The following EML5 variants were observed in gnomAD, a reference collection of about 807,000 sequenced individuals.
The protein encoded by EML5 is echinoderm microtubule-associated protein-like 5.
In EML5, 120 loss-of-function variants were observed where a neutral mutation model predicts 250.0. The observed-to-expected ratio is 0.48, with a 90% confidence interval of 0.41 to 0.56. The LOEUF is 0.56. Ranked by LOEUF, EML5 falls within the 20% of genes least tolerant of loss-of-function variation. The pLI, the probability that EML5 is intolerant of heterozygous loss-of-function variation, is 0.00. For synonymous variants in EML5, 771 were observed against 806.5 expected (o/e 0.96, Z 0.75); for missense variants, 2,006 against 2,437.6 (o/e 0.82, Z 3.73).
chr14:88,736,612 T>G lies in EML5; in HGVS notation c.848-47A>C, dbSNP rs775924775. ...TTAATATATAATGCTGTAATAATGA[T>G]AGCAGCAGGAGGCAGACAAATCCCT... is the stretch of plus-strand genomic sequence containing the variant. On this transcript the variant is annotated intron_variant, in intron 6 of 43. Transcript: ENST00000554922. 4.0e-5 allele frequency: 63 copies of G among 1,573,578 alleles called. No individual in the cohort carries two copies. The East Asian group carries it at 4.3e-4, about 11-fold the overall frequency.
At chr14:88,680,883 G>A (rs1466806303) in intron 21 of EML5, among the ~76,000 whole-genome samples, 1 of 151,412 alleles carries the variant, frequency 6.6e-6, no homozygotes, top group Non-Finnish European at 1.5e-5. Flanking sequence ...ACAAGAAGAT[G>A]GACCACTAGG....
chr14:88,684,412 C>T (rs898440641), intron 20 of EML5, among the ~76,000 whole-genome samples: 17 of 139,106 alleles, frequency 1.2e-4, no homozygotes, highest in Admixed American at 5.2e-4. Context: ...CCTCGTGATC[C>T]GCCCGCCTCG....
At position 88,792,330 on chromosome 14, in the gene EML5, C is replaced by A; in HGVS notation, c.174G>T (p.Arg58=). Residue 58 remains arginine (R), a synonymous_variant, in exon 1 of 44, where the codon CGG becomes CGT. Transcript: ENST00000554922. This position sits in a 1 kb window ranked among gnomAD's most constrained non-coding sequence, Gnocchi z 6.9. The stretch of plus-strand genomic sequence containing the variant: ...ACCTGATGATGTCGTCGCTGTGGCC[C>A]CGGTAGAACTTCTGCCTGTGCTCCC... ...SPREHRQKFY[R]GHSDDIISLA... 6.4e-7 allele frequency: 1 copy of A among 1,563,740 alleles called. No homozygotes were observed. Among genetic ancestry groups the A allele is most frequent in the East Asian group, 2.4e-5 (1 of 41,640 alleles).
intron 6 of EML5, among the ~76,000 whole-genome samples, chr14:88,737,587 A>G (rs2093863108): frequency 6.6e-6 from 1 of 152,234 alleles, no homozygotes; most frequent in Non-Finnish European, 1.5e-5. Context: ...CAATAATTCC[A>G]ATCTTCCTAA....
At chr14:88,661,580 A>C in intron 25 of EML5, 74 bp downstream of exon 25, 1 of 1,292,020 alleles carries the variant, frequency 7.7e-7, no homozygotes, top group Non-Finnish European at 1.1e-6. Flanking sequence ...ATAACAATGA[A>C]GTGCTATGAC....
intron 20 of EML5, among the ~76,000 whole-genome samples, chr14:88,683,154 A>C (rs900228144): frequency 1.2e-4 from 19 of 152,390 alleles, no homozygotes; most frequent in African/African-American, 4.3e-4. Context: ...AATTTGTAAA[A>C]AATCTAATAA....
intron 21 of EML5, among the ~76,000 whole-genome samples, chr14:88,668,190 A>G (rs898247530): frequency 6.6e-6 from 1 of 152,204 alleles, no homozygotes; most frequent in African/African-American, 2.4e-5. Flanking sequence ...TCTTTTTATT[A>G]AATTCCCACT....
Position 88,792,014 on chromosome 14 carries a change from GT to G in EML5, c.197+292del, listed in dbSNP as rs2094613934. Among the ~76,000 whole-genome samples, 1 of 152,188 alleles carries G rather than the reference GT, an allele frequency of 6.6e-6. No individual in the cohort carries two copies. The highest frequency in any genetic ancestry group is 6.5e-5 in the Admixed American group (1 of 15,278). On this transcript the variant is annotated intron_variant, in intron 1 of 43. Transcript: ENST00000554922. This position sits in a 1 kb window ranked among gnomAD's most constrained non-coding sequence, Gnocchi z 6.9. ...GTGCCACCAAAATAACCTTTTCGCA[GT>G]TTTCGTAATTGTGATGGAGTGGGAA...
chr14:88,658,446 C>A, intron 25 of EML5, 58 bp from the exon 26 acceptor site: 5 of 1,329,678 alleles, frequency 3.8e-6, no homozygotes, highest in South Asian at 1.5e-5. Context: ...TTAAATATTT[C>A]CATTATGATT....
At chr14:88,638,563 A>G (rs1407539045) in intron 32 of EML5, among the ~76,000 whole-genome samples, 1 of 152,208 alleles carries the variant, frequency 6.6e-6, no homozygotes, top group Admixed American at 6.5e-5. Context: ...AAATCCAACT[A>G]TTTCAACTAC....
Position 88,792,323 on chromosome 14 carries a change from T to C in EML5, c.181A>G (p.Ser61Gly). The C allele has an allele frequency of 6.4e-7, 1 of 1,560,144 alleles. No individual in the cohort carries two copies. The highest frequency in any genetic ancestry group is 8.7e-7 in the Non-Finnish European group (1 of 1,154,248). ...CCCCGGTACCTGATGATGTCGTCGCTGTGGCCCCGGTAGAACTTCTGCCTG... is the reference window on the plus strand; with the variant it reads ...CCCCGGTACCTGATGATGTCGTCGCCGTGGCCCCGGTAGAACTTCTGCCTG... ...EHRQKFYRGH[S>G]DDIISLALHP... Residue 61 changes from serine (S) to glycine (G), a missense_variant, in exon 1 of 44, where the codon AGC becomes GGC. Around this residue, in one of 7 missense-constraint regions of EML5, gnomAD observed 162 missense variants for 212.2 expected, o/e 0.76. Transcript: ENST00000554922. This position sits in a 1 kb window ranked among gnomAD's most constrained non-coding sequence, Gnocchi z 6.9.
At chr14:88,666,639 A>G (rs1257827953) in intron 21 of EML5, among the ~76,000 whole-genome samples, 1 of 152,194 alleles carries the variant, frequency 6.6e-6, no homozygotes, top group Non-Finnish European at 1.5e-5. Flanking sequence ...ATTATTAATG[A>G]TAAATTAATA....
Position 88,740,666 on chromosome 14 carries a change from GC to G in EML5, c.526-95del, listed in dbSNP as rs1380523051. ...CTTTGATGCTATATTAGAGCAGTGA[GC>G]TAAAAATTAACTAAGAAATTGCCTT... On this transcript the variant is annotated intron_variant, in intron 4 of 43. Coordinates refer to ENST00000554922, the MANE Select transcript of EML5 (RefSeq NM_183387.3). 3.6e-6 allele frequency: 4 copies of G among 1,115,230 alleles called. No homozygotes were observed. In the African/African-American group the frequency reaches 4.7e-5, roughly 13 times the overall value. The allele number at this position is 1,115,230 out of a possible 1,614,324, so 69.1% of individuals were successfully genotyped here. A position where few individuals can be genotyped will look rare whatever the true frequency, so the allele number is the denominator to read the frequency against.
In EML5 at chr14:88,658,373, A is replaced by AC; in HGVS notation, c.3690dup (p.Phe1231ValfsTer2). 6.3e-7 allele frequency: 1 copy of AC among 1,598,874 alleles called. No homozygotes were observed. The highest frequency in any genetic ancestry group is 1.1e-5 in the South Asian group (1 of 87,022). ...GTACTATGGGCCACATACCTCTTAA[A>AC]CTTTCCAAATTTCCCCTAAAGAGGA... is the stretch of plus-strand genomic sequence containing the variant. On this transcript the variant is annotated frameshift_variant, in exon 26 of 44. Coordinates refer to ENST00000554922, the MANE Select transcript of EML5 (RefSeq NM_183387.3). LOFTEE classifies it high-confidence loss of function.
Position 88,616,146 on chromosome 14 carries a change from A to T in EML5, c.5893T>A (p.Cys1965Ser), listed in dbSNP as rs1284351429. 1.9e-6 allele frequency: 3 copies of T among 1,613,868 alleles called. No homozygotes were observed. Among genetic ancestry groups the T allele is most frequent in the Non-Finnish European group, 2.5e-6 (3 of 1,179,768 alleles). ...TGGGCTGAGAAAGTTACTAACCTGC[A>T]GTCATCACCTCCAGCACTAACAACA... The part of the protein sequence containing the change: ...RHVVSAGGDD[C>S]SLFVWKCVHT... Residue 1965 changes from cysteine to serine, a missense_variant, in exon 43 of 44, where the codon TGC becomes AGC. Physicochemically the swap from Cys to Ser is moderately radical, Grantham distance 112. Transcript: ENST00000554922.
intron 19 of EML5, 110 bp downstream of exon 19, chr14:88,687,106 C>T: frequency 1.3e-6 from 1 of 798,732 alleles, no homozygotes. Context: ...ATTCTGATGC[C>T]CAACAAGACG....
In EML5 at chr14:88,618,573, A is replaced by T. The variant is rs1221621042; in HGVS notation, c.5538+77T>A. 2.7e-6 allele frequency: 4 copies of T among 1,488,466 alleles called. 1 individual carries two copies. In the African/African-American group the frequency reaches 5.6e-5, roughly 21 times the overall value. The allele number at this position is 1,488,466 out of a possible 1,614,324, so 92.2% of individuals were successfully genotyped here. A position where few individuals can be genotyped will look rare whatever the true frequency, so the allele number is the denominator to read the frequency against. On this transcript the variant is annotated intron_variant, in intron 40 of 43. Transcript: ENST00000554922. Reference sequence around the variant, plus strand: ...GAAGCTGGAGCTCTGGAGCTCAGGAACTTTAAATGCATTCACTAACACGAA... The same window carrying T: ...GAAGCTGGAGCTCTGGAGCTCAGGATCTTTAAATGCATTCACTAACACGAA...
At chr14:88,703,140 T>TG (rs1453871159) in intron 13 of EML5, among the ~76,000 whole-genome samples, 3 of 151,910 alleles carry the variant, frequency 2.0e-5, no homozygotes, top group Non-Finnish European at 4.4e-5. Context: ...TAATACTGAG[T>TG]GAAAAAAACA....
At chr14:88,652,576 C>A (rs566978421) in intron 27 of EML5, among the ~76,000 whole-genome samples, 2 of 152,282 alleles carry the variant, frequency 1.3e-5, no homozygotes, top group South Asian at 4.1e-4. Flanking sequence ...TTCTACAAAT[C>A]CTGTTCAACT....
Sources: allele counts gnomAD v4.1 joint callset (sites outside exome capture counted in the v4.1 genomes callset), GRCh38; gene constraint gnomAD v4.1.1; regional missense constraint gnomAD v4.1.1; non-coding constraint Gnocchi (gnomAD v3.1); transcripts MANE v1.5; gene names NCBI Gene and HGNC (gene_info 2026-07-23, HGNC 2026-07-21).